TEX9: variants seen among roughly 807,000 people sequenced by gnomAD.
TEX9 encodes testis-expressed protein 9.
Under a neutral mutation model 59.6 loss-of-function variants are expected in TEX9, and 74 were observed. The ratio of observed to expected loss-of-function variants is 1.24; its 90% confidence interval spans 1.03 to 1.51. The LOEUF (loss-of-function observed/expected upper bound fraction) is 1.51, where lower values mean the gene tolerates loss of function less well. TEX9 is among the 40% of genes most tolerant of loss of function. TEX9 has a pLI of 0.00. For synonymous variants in TEX9, 186 were observed against 152.2 expected (o/e 1.22, Z -1.64); for missense variants, 522 against 447.8 (o/e 1.17, Z -1.49).
chr15:56,427,754 A>G lies in TEX9; in HGVS notation c.1098+15A>G. The G allele has an allele frequency of 7.0e-7, 1 of 1,438,650 alleles. No homozygotes were observed. Among genetic ancestry groups the G allele is most frequent in the Non-Finnish European group, 9.2e-7 (1 of 1,086,164 alleles). The allele number at this position is 1,438,650 out of a possible 1,614,324, so 89.1% of individuals were successfully genotyped here. A position where few individuals can be genotyped will look rare whatever the true frequency, so the allele number is the denominator to read the frequency against. On this transcript the variant is annotated intron_variant, in intron 11 of 12. Transcript: ENST00000352903. Reference sequence around the variant, plus strand: ...AAAGGCAAAAGGTGAGTCTATCATTAAAGTTAAATCATCATATTATTTGTA... The same window carrying G: ...AAAGGCAAAAGGTGAGTCTATCATTGAAGTTAAATCATCATATTATTTGTA...
At chr15:56,275,061 G>C (rs1264086036) in intron 1 of TEX9, among the ~76,000 whole-genome samples, 1 of 152,142 alleles carries the variant, frequency 6.6e-6, no homozygotes, top group Non-Finnish European at 1.5e-5. Flanking sequence ...TCTTAGTTTA[G>C]CCTCATTCTT....
chr15:56,396,146 A>C (rs2142356948), intron 9 of TEX9: 1 of 152,340 alleles, frequency 6.6e-6, no homozygotes, highest in Non-Finnish European at 1.5e-5. Context: ...GAATTATGTA[A>C]TATAGCATAT....
At chr15:56,352,235 C>T (rs2046596551) in intron 1 of TEX9, among the ~76,000 whole-genome samples, 1 of 151,878 alleles carries the variant, frequency 6.6e-6, no homozygotes, top group South Asian at 2.1e-4. Flanking sequence ...AAGGCACAGC[C>T]AGAAGTTAAT....
intron 1 of TEX9, among the ~76,000 whole-genome samples, chr15:56,285,366 C>A (rs564399069): frequency 6.6e-6 from 1 of 152,202 alleles, no homozygotes; most frequent in Non-Finnish European, 1.5e-5. Flanking sequence ...ATCTCTACAT[C>A]TCAAGATCCT....
chr15:56,375,827 T>C (rs2047418240), intron 3 of TEX9, among the ~76,000 whole-genome samples: 1 of 150,226 alleles, frequency 6.7e-6, no homozygotes. Context: ...AACCCAAATG[T>C]CCAACAATGA....
intron 1 of TEX9, among the ~76,000 whole-genome samples, chr15:56,334,890 C>G (rs1267256299): frequency 6.6e-6 from 1 of 152,108 alleles, no homozygotes; most frequent in African/African-American, 2.4e-5. Flanking sequence ...AAATGGCAAA[C>G]AGGTATATGA....
chr15:56,380,981 C>G (rs2047699562), intron 3 of TEX9, among the ~76,000 whole-genome samples: 1 of 152,138 alleles, frequency 6.6e-6, no homozygotes, highest in African/African-American at 2.4e-5. Flanking sequence ...TTGGGAAGTT[C>G]TCTGATATTA....
intron 12 of TEX9, among the ~76,000 whole-genome samples, chr15:56,436,525 C>A (rs142629574): frequency 0.073 from 11,052 of 151,862 alleles, 1,378 homozygotes; most frequent in African/African-American, 0.25. Context: ...AAATTGACAC[C>A]CTAACATCAC....
chr15:56,444,683 A>G, intron 12 of TEX9: 3 of 1,602,112 alleles, frequency 1.9e-6, no homozygotes, highest in Non-Finnish European at 2.6e-6. Flanking sequence ...TCTGTTATTA[A>G]AACAAAATTG....
In TEX9 at chr15:56,246,050, G is replaced by A. The variant is rs74017497; in HGVS notation, c.-107+1772G>A. Reference sequence around the variant, plus strand: ...GTAACGTATCTAAGGTCTGCCAAAGGCCTTAAGAAAAGGAAGCCGAGAACC... The same window carrying A: ...GTAACGTATCTAAGGTCTGCCAAAGACCTTAAGAAAAGGAAGCCGAGAACC... On this transcript the variant is annotated intron_variant, in intron 1 of 5. Coordinates refer to the TEX9 transcript ENST00000560827. Among the ~76,000 whole-genome samples the A allele has an allele frequency of 6.4e-3, 970 of 152,260 alleles. 18 individuals are homozygous for A. Among genetic ancestry groups the A allele is most frequent in the African/African-American group, 0.023 (944 of 41,564 alleles).
chr15:56,300,043 G>A (rs1314850428), intron 1 of TEX9, among the ~76,000 whole-genome samples: 2 of 152,080 alleles, frequency 1.3e-5, no homozygotes, highest in Non-Finnish European at 2.9e-5. Flanking sequence ...TGGCAACAGC[G>A]AGGTACAGCA....
Position 56,434,628 on chromosome 15 carries a change from C to T in TEX9, c.*29+6155C>T, listed in dbSNP as rs193168180. ...ATGAACAAATTTTAATTTATATTTA[C>T]CATCTTGTTTCTCTACTCAGAATTA... On this transcript the variant is annotated intron_variant, in intron 12 of 12. Coordinates refer to ENST00000352903, the Ensembl canonical transcript of TEX9. 2.8e-3 allele frequency among the ~76,000 whole-genome samples: 433 copies of T among 152,112 alleles called. 3 individuals carry two copies. The highest frequency in any genetic ancestry group is 0.01 in the African/African-American group (417 of 41,514).
At chr15:56,343,101 A>T (rs952404010) in intron 1 of TEX9, among the ~76,000 whole-genome samples, 1 of 152,172 alleles carries the variant, frequency 6.6e-6, no homozygotes, top group Admixed American at 6.6e-5. Flanking sequence ...AAAACATATG[A>T]TTAGGAAAGA....
At chr15:56,344,820 TAAG>T (rs2046438066) in intron 1 of TEX9, among the ~76,000 whole-genome samples, 1 of 151,846 alleles carries the variant, frequency 6.6e-6, no homozygotes, top group Non-Finnish European at 1.5e-5. Flanking sequence ...TTTAAAAAAT[TAAG>T]AATACACTGG....
intron 1 of TEX9, among the ~76,000 whole-genome samples, chr15:56,245,096 C>T (rs2043816597): frequency 6.6e-6 from 1 of 152,142 alleles, no homozygotes; most frequent in Non-Finnish European, 1.5e-5. Flanking sequence ...CACTTTCCTG[C>T]TGTGTGTGGA....
At chr15:56,409,796 C>T (rs1346586304) in intron 9 of TEX9, 3 of 152,232 alleles carry the variant, frequency 2.0e-5, no homozygotes, top group African/African-American at 4.8e-5. Context: ...TGTGCCTGGC[C>T]TCCCTAAGAT....
At position 56,423,605 on chromosome 15, in the gene TEX9, CA is replaced by C. The variant is rs549616768; in HGVS notation, c.964-3999del. Among the ~76,000 whole-genome samples, 66 of 152,070 alleles carry C rather than the reference CA, an allele frequency of 4.3e-4. No homozygotes were observed. In the South Asian group the frequency reaches 0.014, roughly 31 times the overall value. On this transcript the variant is annotated intron_variant, in intron 10 of 12. Coordinates refer to ENST00000352903, the Ensembl canonical transcript of TEX9. Reference sequence around the variant, plus strand: ...TTTAGTAGTCACAAAGTTGTGCAACCATCACCACAATCAATTTTGCAATTTT... The same window carrying C: ...TTTAGTAGTCACAAAGTTGTGCAACCTCACCACAATCAATTTTGCAATTTT...
At chr15:56,398,253 AT>A (rs1217272653) in intron 9 of TEX9, 1 of 152,148 alleles carries the variant, frequency 6.6e-6, no homozygotes, top group East Asian at 1.9e-4. Flanking sequence ...TCTCTTTAAT[AT>A]TTTTTGTATT....
At chr15:56,309,370 A>C (rs531412925) in intron 1 of TEX9, among the ~76,000 whole-genome samples, 75 of 152,158 alleles carry the variant, frequency 4.9e-4, no homozygotes, top group South Asian at 1.2e-3. Context: ...TGATTTTCAG[A>C]TGTTTACCTG....
Sources: gnomAD v4.1 joint callset for allele counts (sites outside exome capture counted in the v4.1 genomes callset) on GRCh38, gnomAD v4.1.1 for gene constraint, MANE v1.5 for transcripts, NCBI Gene and HGNC (gene_info 2026-07-23, HGNC 2026-07-21) for gene names.